Variants in VEPH1 observed in about 807,000 individuals in gnomAD.
The protein encoded by VEPH1 is ventricular zone expressed PH domain containing 1, also known as ventricular zone-expressed PH domain-containing protein homolog 1.
A neutral mutation model predicts 85.2 loss-of-function variants in VEPH1; 80 were observed. The observed-to-expected ratio is 0.94, with a 90% confidence interval of 0.78 to 1.13. The LOEUF (loss-of-function observed/expected upper bound fraction) is 1.13. Among genes scored for constraint, VEPH1 ranks in the 50% most tolerant of loss-of-function variants. The probability of loss-of-function intolerance (pLI) is 0.00; values close to 1 mark genes in which losing one functional copy is unlikely to be tolerated. For synonymous variants in VEPH1, 297 were observed against 348.0 expected (o/e 0.85, Z 1.63); for missense variants, 955 against 980.5 (o/e 0.97, Z 0.35).
At chr3:157,369,192 A>AAAAAAAAAAAAACAAAAAAAAAC (rs1553773119) in intron 7 of VEPH1, among the ~76,000 whole-genome samples, 1 of 142,702 alleles carries the variant, frequency 7.0e-6, no homozygotes, top group East Asian at 2.1e-4. Context: ...AAAAAAAAAA[A>AAAAAAAAAAAAACAAAAAAAAAC]AAAAAAAAAA....
Position 157,364,371 on chromosome 3 carries a change from A to G in VEPH1, c.1269T>C (p.Pro423=), listed in dbSNP as rs1331963721. 6.2e-7 allele frequency: 1 copy of G among 1,613,890 alleles called. No individual in the cohort carries two copies. Among genetic ancestry groups the G allele is most frequent in the Non-Finnish European group, 8.5e-7 (1 of 1,179,948 alleles). ...CCAGACTATATCTTCTGATAGAGCC[A>G]GGGGTATTGCTCCCTGCATTTATCT... is the stretch of plus-strand genomic sequence containing the variant. ...EDKINAGSNT[P]GSIRRYSLGQ... The change falls in exon 8 of 14, where the codon CCT becomes CCC. Residue 423 remains proline, a synonymous_variant. Coordinates refer to ENST00000362010, the MANE Select transcript of VEPH1 (RefSeq NM_001167912.2).
rs542655179 is a variant in VEPH1, at chr3:157,411,631, C to A, written c.906+2250G>T. On this transcript the variant is annotated intron_variant, in intron 6 of 13. Transcript: ENST00000362010. Reference sequence around the variant, plus strand: ...ACTGACATTATTTAAAAGCTCCTCACGTAATCCTGATATCCAGATATACTT... The same window carrying A: ...ACTGACATTATTTAAAAGCTCCTCAAGTAATCCTGATATCCAGATATACTT... 3.9e-5 allele frequency among the ~76,000 whole-genome samples: 6 copies of A among 152,262 alleles called. 1 individual carries two copies. Among genetic ancestry groups the A allele is most frequent in the African/African-American group, 1.4e-4 (6 of 41,552 alleles).
Sources: allele counts gnomAD v4.1 joint callset (sites outside exome capture counted in the v4.1 genomes callset), GRCh38; gene constraint gnomAD v4.1.1; transcripts MANE v1.5; gene names NCBI Gene and HGNC (gene_info 2026-07-23, HGNC 2026-07-21).